The following CLSTN2 variants were observed in gnomAD, a reference collection of about 807,000 sequenced individuals.
The protein encoded by CLSTN2 is calsyntenin-2.
CLSTN2 carries 48 observed loss-of-function variants against 101.2 expected under a neutral mutation model. That is an observed-to-expected ratio of 0.47 (90% confidence interval 0.38 to 0.60). The LOEUF is 0.60. Ranked by LOEUF, CLSTN2 falls within the 20% of genes least tolerant of loss-of-function variation. CLSTN2 has a pLI of 0.00. For missense variants in CLSTN2, 1,160 were observed against 1,238.2 expected, an observed-to-expected ratio of 0.94 and a Z score of 0.95; for synonymous variants, 481 against 463.6, an observed-to-expected ratio of 1.04 and a Z score of -0.48.
intron 5 of CLSTN2, among the ~76,000 whole-genome samples, chr3:140,423,785 C>T (rs2088532585): frequency 1.3e-5 from 2 of 152,206 alleles, no homozygotes; most frequent in African/African-American, 4.8e-5. Flanking sequence ...CTCTCTAGCT[C>T]ATTGCAGACA....
intron 2 of CLSTN2, among the ~76,000 whole-genome samples, chr3:140,374,836 G>C (rs1020940848): frequency 1.3e-5 from 2 of 152,288 alleles, no homozygotes; most frequent in Admixed American, 1.3e-4. Context: ...CCTGATTGCT[G>C]TTATCAGCAG....
At chr3:139,973,620 T>C (rs1475446256) in intron 1 of CLSTN2, among the ~76,000 whole-genome samples, 1 of 152,006 alleles carries the variant, frequency 6.6e-6, no homozygotes, top group Non-Finnish European at 1.5e-5. Context: ...TCTCTCTCTC[T>C]TTGTCCTCTT....
At position 140,145,529 on chromosome 3, in the gene CLSTN2, C is replaced by A. The variant is rs9823483; in HGVS notation, c.110-30422C>A. On this transcript the variant is annotated intron_variant, in intron 1 of 16. Coordinates refer to ENST00000458420, the MANE Select transcript of CLSTN2 (RefSeq NM_022131.3). The stretch of plus-strand genomic sequence containing the variant: ...TGAATCATTGGAATAAGAAGATTCC[C>A]AAGGGATTACTTAGAAGAAATTTCT... 4.6e-5 allele frequency among the ~76,000 whole-genome samples: 7 copies of A among 152,144 alleles called. No individual in the cohort carries two copies. The East Asian group carries it at 5.8e-4, about 13-fold the overall frequency.
chr3:140,268,276 AGTGGAT>A (rs1249218523), intron 2 of CLSTN2, among the ~76,000 whole-genome samples: 1 of 152,166 alleles, frequency 6.6e-6, no homozygotes, highest in Non-Finnish European at 1.5e-5. Context: ...AGAAAGGAGC[AGTGGAT>A]GTGTGTGCAT....
At chr3:140,501,539 T>C (rs1256099529) in intron 8 of CLSTN2, among the ~76,000 whole-genome samples, 2 of 152,200 alleles carry the variant, frequency 1.3e-5, no homozygotes, top group African/African-American at 4.8e-5. Context: ...TCAGAGTCAG[T>C]TGTATGAATT....
chr3:139,979,013 A>C (rs1935868608), intron 1 of CLSTN2, among the ~76,000 whole-genome samples: 1 of 152,142 alleles, frequency 6.6e-6, no homozygotes, highest in East Asian at 1.9e-4. Context: ...TTTTAAGTGA[A>C]ATATTCAAAA....
chr3:140,439,735 GTGCACGTGCACACACACGCA>G (rs1228383529), intron 5 of CLSTN2, among the ~76,000 whole-genome samples: 1 of 128,276 alleles, frequency 7.8e-6, no homozygotes, highest in Non-Finnish European at 1.7e-5. Flanking sequence ...ACACACACAC[GTGCACGTGCACACACACGCA>G]CACACACACA....
At chr3:140,109,777 A>T (rs2009122541) in intron 1 of CLSTN2, among the ~76,000 whole-genome samples, 1 of 152,138 alleles carries the variant, frequency 6.6e-6, no homozygotes, top group South Asian at 2.1e-4. Flanking sequence ...CCAGAGCAAA[A>T]GTGACTATGC....
intron 1 of CLSTN2, among the ~76,000 whole-genome samples, chr3:139,968,718 A>G (rs1217481291): frequency 6.6e-6 from 1 of 152,232 alleles, no homozygotes; most frequent in Non-Finnish European, 1.5e-5. Flanking sequence ...GTTAGTTTGG[A>G]TTCTGAAGTA....
chr3:140,167,349 T>C (rs548701798), intron 1 of CLSTN2, among the ~76,000 whole-genome samples: 1 of 152,360 alleles, frequency 6.6e-6, no homozygotes, highest in South Asian at 2.1e-4. Context: ...TTATGCCTGC[T>C]TAATTCCTGC....
chr3:140,185,798 G>A (rs2010477678), intron 2 of CLSTN2, among the ~76,000 whole-genome samples: 1 of 152,220 alleles, frequency 6.6e-6, no homozygotes, highest in South Asian at 2.1e-4. Context: ...GGGGAGGACA[G>A]TGGTCCCACA....
intron 1 of CLSTN2, among the ~76,000 whole-genome samples, chr3:139,960,149 A>G (rs1242686748): frequency 6.6e-6 from 1 of 152,168 alleles, no homozygotes; most frequent in Admixed American, 6.6e-5. Context: ...AGCATTTGCC[A>G]ATTTCTTTAG....
At chr3:140,321,071 G>A (rs1482354149) in intron 2 of CLSTN2, among the ~76,000 whole-genome samples, 3 of 152,150 alleles carry the variant, frequency 2.0e-5, no homozygotes, top group Non-Finnish European at 4.4e-5. Context: ...TGAAACTGAC[G>A]GGCTTGGTTA....
At chr3:140,271,869 G>A (rs1237854339) in intron 2 of CLSTN2, among the ~76,000 whole-genome samples, 1 of 152,240 alleles carries the variant, frequency 6.6e-6, no homozygotes. Flanking sequence ...CACCAGATGT[G>A]TAGGTTCTCA....
intron 2 of CLSTN2, among the ~76,000 whole-genome samples, chr3:140,287,282 G>C (rs937804840): frequency 2.0e-5 from 3 of 152,138 alleles, no homozygotes; most frequent in Non-Finnish European, 4.4e-5. Flanking sequence ...AAAAAAAAGT[G>C]CACATCGCAT....
At chr3:139,946,297 T>C (rs1191811327) in intron 1 of CLSTN2, among the ~76,000 whole-genome samples, 1 of 152,234 alleles carries the variant, frequency 6.6e-6, no homozygotes, top group Non-Finnish European at 1.5e-5. Flanking sequence ...GAGATGCTTC[T>C]GCCTGAAGCT....
At chr3:139,944,631 G>C (rs946687049) in intron 1 of CLSTN2, among the ~76,000 whole-genome samples, 5 of 152,366 alleles carry the variant, frequency 3.3e-5, no homozygotes, top group African/African-American at 4.8e-5. Flanking sequence ...CTGTATGACT[G>C]TTGCCCAGCA....
At chr3:140,121,980 A>T (rs1024308241) in intron 1 of CLSTN2, among the ~76,000 whole-genome samples, 1 of 152,184 alleles carries the variant, frequency 6.6e-6, no homozygotes, top group African/African-American at 2.4e-5. Context: ...CAACCCTGCT[A>T]TTTGAAGTTG....
chr3:139,975,243 G>A (rs1935795923), intron 1 of CLSTN2, among the ~76,000 whole-genome samples: 1 of 152,144 alleles, frequency 6.6e-6, no homozygotes, highest in Non-Finnish European at 1.5e-5. Flanking sequence ...AGGTAGGGCT[G>A]AGGAAGTCTG....
Sources: gnomAD v4.1 joint callset for allele counts (sites outside exome capture counted in the v4.1 genomes callset) on GRCh38, gnomAD v4.1.1 for gene constraint, MANE v1.5 for transcripts, NCBI Gene and HGNC (gene_info 2026-07-23, HGNC 2026-07-21) for gene names.